The following FAM168A variants were observed in gnomAD, a reference collection of about 807,000 sequenced individuals.
The protein encoded by FAM168A is family with sequence similarity 168 member A.
In FAM168A, 3 loss-of-function variants were observed where a neutral mutation model predicts 28.5. The observed-to-expected ratio is 0.11, with a 90% CI of 0.05 to 0.27. The LOEUF (loss-of-function observed/expected upper bound fraction) is 0.27. FAM168A is among the 10% of genes least tolerant of loss of function. FAM168A has a pLI of 1.00. For synonymous variants in FAM168A, 122 were observed against 124.2 expected, an observed-to-expected ratio of 0.98 and a Z score of 0.12; for missense variants, 222 against 311.5, an observed-to-expected ratio of 0.71 and a Z score of 2.16.
At chr11:73,530,182 T>G (rs1210585279) in intron 1 of FAM168A, among the ~76,000 whole-genome samples, 2 of 152,122 alleles carry the variant, frequency 1.3e-5, no homozygotes, top group East Asian at 3.8e-4. Context: ...CACTACCAAG[T>G]TCATGGTGCA....
intron 1 of FAM168A, among the ~76,000 whole-genome samples, chr11:73,488,873 T>C (rs1471061669): frequency 6.6e-6 from 1 of 152,186 alleles, no homozygotes; most frequent in Non-Finnish European, 1.5e-5. Flanking sequence ...CCATCTAACA[T>C]ACTAGCTACC....
In FAM168A at chr11:73,586,490, A is replaced by G. The variant is rs145888691; in HGVS notation, c.-19+11433T>C. Among the ~76,000 whole-genome samples, 238 of 152,262 alleles carry G rather than the reference A, an allele frequency of 1.6e-3. 1 individual carries two copies. Among genetic ancestry groups the G allele is most frequent in the African/African-American group, 5.3e-3 (219 of 41,546 alleles). On this transcript the variant is annotated intron_variant, in intron 1 of 7. Coordinates refer to ENST00000356467, the MANE Select transcript of FAM168A (RefSeq NM_015159.3). The stretch of plus-strand genomic sequence containing the variant: ...AAAATATGGCCACATACACACAGAA[A>G]AATTGTCAGGTTTAAGTAAGATAAG...
rs547870274 is a variant in FAM168A, at chr11:73,410,187, C to T, written c.421-526G>A. 5.9e-4 allele frequency among the ~76,000 whole-genome samples: 90 copies of T among 152,168 alleles called. 1 individual carries two copies. The highest frequency in any genetic ancestry group is 5.8e-3 in the Admixed American group (89 of 15,288). ...TTTGGAGGCCAAGGCAGGCAGATCACTTGAGGTCAGGAGTTCGAGACCAGC... is the reference window on the plus strand; with the variant it reads ...TTTGGAGGCCAAGGCAGGCAGATCATTTGAGGTCAGGAGTTCGAGACCAGC... On this transcript the variant is annotated intron_variant, in intron 5 of 7. Coordinates refer to ENST00000356467, the MANE Select transcript of FAM168A (RefSeq NM_015159.3).
chr11:73,483,930 T>G (rs1868002775), intron 1 of FAM168A, among the ~76,000 whole-genome samples: 1 of 152,202 alleles, frequency 6.6e-6, no homozygotes, highest in African/African-American at 2.4e-5. Flanking sequence ...ATGAAGATTG[T>G]ATGGGGGAAG....
At chr11:73,538,768 G>A (rs1565288834) in intron 1 of FAM168A, among the ~76,000 whole-genome samples, 1 of 152,198 alleles carries the variant, frequency 6.6e-6, no homozygotes, top group Non-Finnish European at 1.5e-5. Context: ...AGGTGACAAA[G>A]AGTGTCTTCA....
intron 1 of FAM168A, among the ~76,000 whole-genome samples, chr11:73,532,331 T>C (rs1203525420): frequency 1.3e-5 from 2 of 152,120 alleles, no homozygotes; most frequent in Non-Finnish European, 2.9e-5. Context: ...TTATTATTCC[T>C]AGTACACCGC....
intron 2 of FAM168A, among the ~76,000 whole-genome samples, chr11:73,453,833 T>A (rs1457789458): frequency 6.6e-6 from 1 of 152,170 alleles, no homozygotes; most frequent in African/African-American, 2.4e-5. Flanking sequence ...TGTGTCAACA[T>A]CCCACTGATT....
intron 1 of FAM168A, among the ~76,000 whole-genome samples, chr11:73,490,414 C>T (rs749532111): frequency 9.9e-5 from 15 of 152,150 alleles, no homozygotes; most frequent in Non-Finnish European, 1.5e-4. Context: ...TCCTACCTCA[C>T]GCAGTGGAAA....
At chr11:73,527,203 T>C (rs1399037285) in intron 1 of FAM168A, among the ~76,000 whole-genome samples, 1 of 151,982 alleles carries the variant, frequency 6.6e-6, no homozygotes, top group South Asian at 2.1e-4. Context: ...ACAGCAGAAA[T>C]AGGACTAAAA....
At chr11:73,532,176 A>G (rs937398833) in intron 1 of FAM168A, among the ~76,000 whole-genome samples, 1 of 151,906 alleles carries the variant, frequency 6.6e-6, no homozygotes, top group South Asian at 2.1e-4. Flanking sequence ...TCTGGGCAAA[A>G]TTAATGATTA....
At chr11:73,525,170 C>T (rs987828226) in intron 1 of FAM168A, among the ~76,000 whole-genome samples, 8 of 152,012 alleles carry the variant, frequency 5.3e-5, no homozygotes, top group African/African-American at 1.9e-4. Context: ...TCATGCTAGA[C>T]GTTTTTCTCA....
chr11:73,574,572 T>G (rs1243544239), intron 1 of FAM168A, among the ~76,000 whole-genome samples: 1 of 152,124 alleles, frequency 6.6e-6, no homozygotes, highest in Non-Finnish European at 1.5e-5. Flanking sequence ...TTGGCCATCT[T>G]TTTTTCTGAG....
chr11:73,542,274 T>C (rs1048308571), intron 1 of FAM168A, among the ~76,000 whole-genome samples: 1 of 152,224 alleles, frequency 6.6e-6, no homozygotes, highest in Non-Finnish European at 1.5e-5. Flanking sequence ...ATAACCATTG[T>C]AAAAATGTAA....
intron 6 of FAM168A, among the ~76,000 whole-genome samples, chr11:73,408,487 T>C (rs1001217288): frequency 6.6e-6 from 1 of 152,144 alleles, no homozygotes; most frequent in Non-Finnish European, 1.5e-5. Flanking sequence ...TCTTTAAAAG[T>C]TGGGTCTCTA....
At chr11:73,568,115 A>T (rs1944043470) in intron 1 of FAM168A, among the ~76,000 whole-genome samples, 1 of 152,224 alleles carries the variant, frequency 6.6e-6, no homozygotes, top group Non-Finnish European at 1.5e-5. Context: ...GATTGGAGAG[A>T]GGAACATCCA....
At chr11:73,577,873 G>T (rs1944195117) in intron 1 of FAM168A, among the ~76,000 whole-genome samples, 1 of 152,198 alleles carries the variant, frequency 6.6e-6, no homozygotes. Context: ...ATGAGGGAGG[G>T]AAGGTAGGAG....
At chr11:73,567,342 T>A (rs978736445) in intron 1 of FAM168A, among the ~76,000 whole-genome samples, 1 of 152,100 alleles carries the variant, frequency 6.6e-6, no homozygotes, top group African/African-American at 2.4e-5. Context: ...GGGAAAAGGA[T>A]AACGAGTTCG....
Position 73,401,963 on chromosome 11 carries a change from TAAGTA to T in FAM168A, c.*4795_*4799del, listed in dbSNP as rs1866419852. ...AGGAGTTTTCTAGGAAAGGGGCAGA[TAAGTA>T]AAGGACAAACCCTGCAGCCCCCTTG... On this transcript the variant is annotated 3_prime_UTR_variant, in exon 8 of 8. Transcript: ENST00000356467. 1 of 152,244 alleles carries T rather than the reference TAAGTA, an allele frequency of 6.6e-6. No individual in the cohort carries two copies. The highest frequency in any genetic ancestry group is 1.5e-5 in the Non-Finnish European group (1 of 68,052). The allele number at this position is 152,244 out of a possible 1,614,324, so 9.4% of individuals were successfully genotyped here.
chr11:73,501,400 T>A (rs766754965), intron 1 of FAM168A, among the ~76,000 whole-genome samples: 2 of 152,208 alleles, frequency 1.3e-5, no homozygotes, highest in African/African-American at 4.8e-5. Flanking sequence ...TTCCTCTCAG[T>A]GCCACATGGC....
Sources: gnomAD v4.1 joint callset for allele counts (sites outside exome capture counted in the v4.1 genomes callset) on GRCh38, gnomAD v4.1.1 for gene constraint, MANE v1.5 for transcripts, NCBI Gene and HGNC (gene_info 2026-07-23, HGNC 2026-07-21) for gene names.